Variants in ALPK2 observed in about 807,000 individuals in gnomAD.
ALPK2 encodes alpha-protein kinase 2.
A neutral mutation model predicts 163.1 loss-of-function variants in ALPK2; 127 were observed. The ratio of observed to expected loss-of-function variants is 0.78; its 90% confidence interval spans 0.67 to 0.90. The LOEUF is 0.90. Ranked by LOEUF, ALPK2 falls within the 40% of genes least tolerant of loss-of-function variation. ALPK2 has a pLI of 0.00. For missense variants in ALPK2, 2,360 were observed against 2,589.6 expected (o/e 0.91, Z 1.92); for synonymous variants, 953 against 959.1 (o/e 0.99, Z 0.12).
chr18:58,495,521 C>T (rs1251299160), intron 12 of ALPK2, among the ~76,000 whole-genome samples: 1 of 152,140 alleles, frequency 6.6e-6, no homozygotes, highest in Non-Finnish European at 1.5e-5. Context: ...GATTGGATTT[C>T]TTTTTAAATC....
intron 10 of ALPK2, among the ~76,000 whole-genome samples, chr18:58,507,553 G>A (rs938883065): frequency 1.3e-5 from 2 of 152,192 alleles, no homozygotes; most frequent in African/African-American, 2.4e-5. Context: ...TCTTGAGAGG[G>A]AACGTGGGCC....
At chr18:58,591,944 C>A (rs920908244) in intron 3 of ALPK2, among the ~76,000 whole-genome samples, 3 of 152,130 alleles carry the variant, frequency 2.0e-5, no homozygotes, top group Admixed American at 6.5e-5. Flanking sequence ...GAGCCCAGAT[C>A]GTGGAAGGTT....
Position 58,580,110 on chromosome 18 carries a change from A to G in ALPK2, c.666T>C (p.His222=), listed in dbSNP as rs769503474. 5.0e-5 allele frequency: 81 copies of G among 1,614,148 alleles called. No individual in the cohort carries two copies. The highest frequency in any genetic ancestry group is 2.3e-4 in the Admixed American group (14 of 60,010). The stretch of plus-strand genomic sequence containing the variant: ...AACATCTGTCTTGTTTTTCATAAAT[A>G]TGACTTGAATTAAGAAAAAGCAACC... The part of the protein sequence containing the change: ...ANGLLFLNSS[H]IYEKQDRCCH... The change falls in exon 4 of 13, where the codon CAT becomes CAC. Residue 222 remains histidine (H), a synonymous_variant. Transcript: ENST00000361673.
At chr18:58,559,272 G>A (rs535057374) in intron 4 of ALPK2, among the ~76,000 whole-genome samples, 3 of 152,218 alleles carry the variant, frequency 2.0e-5, no homozygotes, top group East Asian at 1.9e-4. Flanking sequence ...GCTACTGGCC[G>A]GGGATGCTGC....
At chr18:58,598,489 G>A (rs2052052096) in intron 3 of ALPK2, among the ~76,000 whole-genome samples, 1 of 152,208 alleles carries the variant, frequency 6.6e-6, no homozygotes, top group Non-Finnish European at 1.5e-5. Flanking sequence ...ACCTGGCAGA[G>A]GCAGGGAGGC....
chr18:58,496,235 G>A (rs924090128), intron 12 of ALPK2, among the ~76,000 whole-genome samples: 3 of 152,144 alleles, frequency 2.0e-5, no homozygotes, highest in African/African-American at 7.2e-5. Context: ...CAGCATCAGG[G>A]TATGAACTGG....
intron 4 of ALPK2, among the ~76,000 whole-genome samples, chr18:58,567,052 C>G (rs1460203676): frequency 1.3e-5 from 2 of 151,716 alleles, no homozygotes; most frequent in Non-Finnish European, 2.9e-5. Flanking sequence ...CAGGTTCAGG[C>G]CTGCATTTAT....
intron 4 of ALPK2, among the ~76,000 whole-genome samples, chr18:58,554,403 A>G (rs979341171): frequency 6.6e-6 from 1 of 152,168 alleles, no homozygotes; most frequent in Non-Finnish European, 1.5e-5. Flanking sequence ...TGGTAGTGTG[A>G]TGGGCTTCAG....
Position 58,537,610 on chromosome 18 carries a change from T to C in ALPK2, c.2577A>G (p.Thr859=), listed in dbSNP as rs140900189. 474 of 1,613,498 alleles carry C rather than the reference T, an allele frequency of 2.9e-4. No individual in the cohort carries two copies. Among genetic ancestry groups the C allele is most frequent in the Non-Finnish European group, 3.8e-4 (454 of 1,179,580 alleles). ...VSDLCSSNDK[T]LEVFFQTQVS... ...CTTGTGTCTGAAAAAAGACTTCCAGTGTCTTGTCATTAGAAGAACATAAAT... is the reference window on the plus strand; with the variant it reads ...CTTGTGTCTGAAAAAAGACTTCCAGCGTCTTGTCATTAGAAGAACATAAAT... The change falls in exon 5 of 13, where the codon ACA becomes ACG. Residue 859 remains threonine, a synonymous_variant. Transcript: ENST00000361673.
intron 11 of ALPK2, among the ~76,000 whole-genome samples, chr18:58,500,871 G>A (rs896896047): frequency 2.0e-5 from 3 of 151,960 alleles, no homozygotes; most frequent in Admixed American, 1.3e-4. Context: ...TCACCAGCAT[G>A]CAGGTCTCAG....
chr18:58,498,775 C>T (rs1402866962), intron 11 of ALPK2, among the ~76,000 whole-genome samples: 1 of 152,192 alleles, frequency 6.6e-6, no homozygotes, highest in Non-Finnish European at 1.5e-5. Flanking sequence ...TGTCTGTGGC[C>T]TGCTGCCATG....
rs765234858 is a variant in ALPK2 at position 58,578,913 on chromosome 18, TGA to T, written c.1861_1862del (p.Val622LeufsTer16). On this transcript the variant is annotated frameshift_variant, in exon 4 of 13. Transcript: ENST00000361673. LOFTEE classifies it high-confidence loss of function. The stretch of plus-strand genomic sequence containing the variant: ...AATTTGTGTTGCCTTCTTTGGAGAC[TGA>T]GTCTGTTGAAGTTTGAAGGGTTTTT... ...EAKTLQTSTDSVSKEGNTNCK... is the reference protein window; with the variant it reads ...EAKTLQTSTDXVSKEGNTNCK... 6.2e-7 allele frequency: 1 copy of T among 1,614,238 alleles called. No individual in the cohort carries two copies. Among genetic ancestry groups the T allele is most frequent in the Non-Finnish European group, 8.5e-7 (1 of 1,180,038 alleles).
intron 12 of ALPK2, among the ~76,000 whole-genome samples, chr18:58,485,895 G>T (rs72948962): frequency 2.0e-5 from 3 of 152,280 alleles, no homozygotes; most frequent in African/African-American, 7.2e-5. Flanking sequence ...AACAAGTCCC[G>T]GTCATTTGCA....
chr18:58,547,040 G>A (rs962672103), intron 4 of ALPK2, among the ~76,000 whole-genome samples: 1 of 29,716 alleles, frequency 3.4e-5, no homozygotes, highest in Admixed American at 2.7e-4. Context: ...CAGAAAACTG[G>A]GGTTTGGTCT....
Position 58,516,992 on chromosome 18 carries a change from A to T in ALPK2, c.5856T>A (p.Cys1952Ter). ...CAATGGCATTGTGCACCTTAAGCAC[A>T]CAGGCATGGCCAGGTTTGAAGACAG... ...LMPVFKPGHA[C>*]VLKVHNAIAY... The change falls in exon 9 of 13, where the codon TGT becomes TGA. Residue 1952 changes from cysteine (C) to a stop codon, truncating the protein, a stop_gained. Coordinates refer to ENST00000361673, the MANE Select transcript of ALPK2 (RefSeq NM_052947.4). LOFTEE classifies it high-confidence loss of function. 6.2e-7 allele frequency: 1 copy of T among 1,614,248 alleles called. No homozygotes were observed. Among genetic ancestry groups the T allele is most frequent in the Non-Finnish European group, 8.5e-7 (1 of 1,180,034 alleles).
At chr18:58,612,921 G>A (rs1326856138) in intron 1 of ALPK2, among the ~76,000 whole-genome samples, 1 of 152,190 alleles carries the variant, frequency 6.6e-6, no homozygotes, top group East Asian at 1.9e-4. Context: ...CTACAGTGTG[G>A]TTAGCCTGAA....
intron 12 of ALPK2, among the ~76,000 whole-genome samples, chr18:58,483,757 G>A (rs1379711901): frequency 7.4e-5 from 11 of 149,330 alleles, no homozygotes; most frequent in African/African-American, 2.8e-4. Context: ...TAGAGACAGG[G>A]CTTCACCATG....
At position 58,516,982 on chromosome 18, in the gene ALPK2, C is replaced by T. The variant is rs1160963206; in HGVS notation, c.5866G>A (p.Val1956Met). 3.1e-6 allele frequency: 5 copies of T among 1,614,068 alleles called. No individual in the cohort carries two copies. The African/African-American group carries it at 4.0e-5, about 13-fold the overall frequency. ...GTCCCATAGGCAATGGCATTGTGCA[C>T]CTTAAGCACACAGGCATGGCCAGGT... is the stretch of plus-strand genomic sequence containing the variant. ...FKPGHACVLKVHNAIAYGTRN... is the reference protein window; with the variant it reads ...FKPGHACVLKMHNAIAYGTRN... The change falls in exon 9 of 13, where the codon GTG becomes ATG. Residue 1956 changes from valine (V) to methionine (M), a missense_variant. By Grantham distance (21) the Val-to-Met change is conservative. Transcript: ENST00000361673.
intron 3 of ALPK2, among the ~76,000 whole-genome samples, chr18:58,595,874 G>A (rs2052038116): frequency 6.6e-6 from 1 of 152,174 alleles, no homozygotes; most frequent in Admixed American, 6.5e-5. Flanking sequence ...ATTCTAACAA[G>A]CTCCCAGGGG....
Sources: allele counts gnomAD v4.1 joint callset (sites outside exome capture counted in the v4.1 genomes callset), GRCh38; gene constraint gnomAD v4.1.1; transcripts MANE v1.5; gene names NCBI Gene and HGNC (gene_info 2026-07-23, HGNC 2026-07-21).